The following PRIM2 variants were observed in gnomAD, a reference collection of about 807,000 sequenced individuals.
The protein encoded by PRIM2 is DNA primase subunit 2.
In PRIM2, 39 loss-of-function variants were observed where a neutral mutation model predicts 67.3. The observed-to-expected ratio is 0.58, with a 90% CI of 0.45 to 0.76. The LOEUF is 0.76. PRIM2 is among the 30% of genes least tolerant of loss of function. PRIM2 has a pLI of 0.00. For missense variants in PRIM2, 398 were observed against 598.7 expected (o/e 0.66, Z 3.50); for synonymous variants, 143 against 198.7 (o/e 0.72, Z 2.36).
chr6:57,381,324 T>A (rs1194707187), intron 6 of PRIM2, among the ~76,000 whole-genome samples: 2 of 152,208 alleles, frequency 1.3e-5, no homozygotes, highest in Non-Finnish European at 2.9e-5. Context: ...GGGAATCATT[T>A]TTCACCTAAT....
At chr6:57,374,099 T>C (rs1452493361) in intron 5 of PRIM2, among the ~76,000 whole-genome samples, 4 of 151,658 alleles carry the variant, frequency 2.6e-5, no homozygotes, top group Non-Finnish European at 4.4e-5. Context: ...TTTTTCCATT[T>C]GTTTGTGTCA....
At chr6:57,332,538 G>T (rs1414501983) in intron 5 of PRIM2, among the ~76,000 whole-genome samples, 1 of 151,642 alleles carries the variant, frequency 6.6e-6, no homozygotes, top group Non-Finnish European at 1.5e-5. Context: ...ATTTATTTTG[G>T]GGCTCTCTTG....
the PRIM2 span, among the ~76,000 whole-genome samples, chr6:57,246,413 A>G: frequency 6.6e-6 from 1 of 152,208 alleles, no homozygotes; most frequent in Non-Finnish European, 1.5e-5. Context: ...GAAGTGCTTC[A>G]GTTTGGCTCA....
intron 10 of PRIM2, among the ~76,000 whole-genome samples, chr6:57,538,144 A>G (rs1311412360): frequency 6.6e-6 from 1 of 151,958 alleles, no homozygotes; most frequent in Non-Finnish European, 1.5e-5. Flanking sequence ...TCTTCCCAGT[A>G]GCTAGGGCCA....
At chr6:57,464,466 T>C (rs1773121217) in intron 7 of PRIM2, among the ~76,000 whole-genome samples, 1 of 151,966 alleles carries the variant, frequency 6.6e-6, no homozygotes, top group Admixed American at 6.6e-5. Context: ...TCAGTAGAGA[T>C]AGGGTTTCAC....
chr6:57,412,296 A>G (rs1325001671), intron 7 of PRIM2, among the ~76,000 whole-genome samples: 2 of 152,096 alleles, frequency 1.3e-5, no homozygotes, highest in Non-Finnish European at 2.9e-5. Context: ...ATGGATTTAG[A>G]ATATTTGTCT....
intron 7 of PRIM2, among the ~76,000 whole-genome samples, chr6:57,428,331 C>T (rs1581895113): frequency 6.6e-6 from 1 of 152,010 alleles, no homozygotes; most frequent in South Asian, 2.1e-4. Flanking sequence ...TTCCTTGTTT[C>T]CAAAAGTAAA....
chr6:57,527,957 T>A (rs1157299340), intron 8 of PRIM2, among the ~76,000 whole-genome samples: 24,493 of 152,038 alleles, frequency 0.16, 2,149 homozygotes, highest in Non-Finnish European at 0.21. Context: ...ATGTCTTTTT[T>A]ATAGAGTTTT....
At chr6:57,455,701 C>T (rs1772747303) in intron 7 of PRIM2, among the ~76,000 whole-genome samples, 1 of 152,154 alleles carries the variant, frequency 6.6e-6, no homozygotes, top group African/African-American at 2.4e-5. Flanking sequence ...AGATGGGTTT[C>T]CTGAATACAG....
At chr6:57,311,911 C>G (rs928602499), upstream of PRIM2, among the ~76,000 whole-genome samples, 1 of 151,308 alleles carries the variant, frequency 6.6e-6, no homozygotes, top group East Asian at 2.0e-4. Context: ...CCTGGCAGGC[C>G]GAGGCGGGAG....
At chr6:57,267,122 A>G in the PRIM2 span, among the ~76,000 whole-genome samples, 1 of 152,242 alleles carries the variant, frequency 6.6e-6, no homozygotes, top group Non-Finnish European at 1.5e-5. Flanking sequence ...AAAGTGAAGC[A>G]CAGAATTTAA....
At chr6:57,228,013 A>C in the PRIM2 span, among the ~76,000 whole-genome samples, 5 of 152,222 alleles carry the variant, frequency 3.3e-5, no homozygotes, top group Admixed American at 6.5e-5. Context: ...TTATTTTGCA[A>C]CCAGGACTAA....
At chr6:57,484,287 A>G (rs1193992174) in intron 7 of PRIM2, among the ~76,000 whole-genome samples, 2 of 152,212 alleles carry the variant, frequency 1.3e-5, no homozygotes, top group Admixed American at 1.3e-4. Flanking sequence ...CTGATGCAGG[A>G]CAGTATTCAC....
chr6:57,377,758 T>G (rs1769816783), intron 5 of PRIM2, among the ~76,000 whole-genome samples: 1 of 152,112 alleles, frequency 6.6e-6, no homozygotes, highest in Admixed American at 6.5e-5. Context: ...CTCTTTTTCC[T>G]TATATAGGCC....
intron 3 of PRIM2, among the ~76,000 whole-genome samples, chr6:57,322,003 G>A (rs897754391): frequency 6.6e-6 from 1 of 152,174 alleles, no homozygotes; most frequent in Admixed American, 6.5e-5. Flanking sequence ...TTAGCAGCTG[G>A]ATGGGCCCTT....
At chr6:57,644,304 C>G (rs1351575170) in intron 13 of PRIM2, among the ~76,000 whole-genome samples, 1 of 151,952 alleles carries the variant, frequency 6.6e-6, no homozygotes, top group Non-Finnish European at 1.5e-5. Context: ...TATTGCCTTT[C>G]CCCTCATCAT....
At chr6:57,249,553 C>T in the PRIM2 span, among the ~76,000 whole-genome samples, 1 of 151,762 alleles carries the variant, frequency 6.6e-6, no homozygotes, top group Non-Finnish European at 1.5e-5. Context: ...GCCAGCCTGA[C>T]CAACATGGTG....
At chr6:57,268,082 T>C in the PRIM2 span, among the ~76,000 whole-genome samples, 2 of 152,166 alleles carry the variant, frequency 1.3e-5, no homozygotes, top group African/African-American at 4.8e-5. Context: ...GAGATGGATT[T>C]AGAAGAGCTC....
chr6:57,297,356 C>T, the PRIM2 span, among the ~76,000 whole-genome samples: 10 of 151,996 alleles, frequency 6.6e-5, no homozygotes, highest in South Asian at 1.0e-3. Flanking sequence ...GCAGGAGAAT[C>T]GCTTGAACCT....
Sources: gnomAD v4.1 joint callset for allele counts (sites outside exome capture counted in the v4.1 genomes callset) on GRCh38, gnomAD v4.1.1 for gene constraint, MANE v1.5 for transcripts, NCBI Gene and HGNC (gene_info 2026-07-23, HGNC 2026-07-21) for gene names.